Variants in PKD1L3 observed in about 807,000 individuals in gnomAD.
PKD1L3 encodes the protein polycystin 1 like 3, transient receptor potential channel interacting, also known as polycystin-1-like protein 3.
In PKD1L3, 239 loss-of-function variants were observed where a neutral mutation model predicts 184.1. The ratio of observed to expected loss-of-function variants is 1.30; its 90% CI spans 1.17 to 1.45. The LOEUF (loss-of-function observed/expected upper bound fraction) is 1.45, where lower values mean the gene tolerates loss of function less well. Among genes scored for constraint, PKD1L3 ranks in the 40% most tolerant of loss-of-function variants. The pLI, the probability that PKD1L3 is intolerant of heterozygous loss-of-function variation, is 0.00. For synonymous variants in PKD1L3, 996 were observed against 778.8 expected (o/e 1.28, Z -4.64); for missense variants, 2,660 against 2,067.2 (o/e 1.29, Z -5.56).
intron 3 of PKD1L3, 49 bp downstream of exon 3, chr16:71,993,167 G>C (rs758984949): frequency 7.6e-7 from 1 of 1,316,362 alleles, no homozygotes; most frequent in Admixed American, 2.3e-5. Flanking sequence ...TCTTTTAGCA[G>C]AAATTGATTC....
In PKD1L3 at chr16:71,967,260, T is replaced by C. The variant is rs535220054; in HGVS notation, c.2342A>G (p.Asp781Gly). The C allele has an allele frequency of 5.2e-6, 8 of 1,551,478 alleles. No individual in the cohort carries two copies. The South Asian group carries it at 7.1e-5, about 14-fold the overall frequency. ...TCGTTCAAAGACTGTCTTCTGGGGG[T>C]CACAGAGGTGATGGGGCTCACTCCG... ...EGRSEPHHLC[D>G]PQKTVFERGG... Residue 781 changes from aspartate to glycine, a missense_variant, in exon 15 of 30, where the codon GAC (aspartate) becomes GGC (glycine). Transcript: ENST00000620267.
At chr16:71,972,407 A>C (rs1279283508) in intron 12 of PKD1L3, among the ~76,000 whole-genome samples, 2 of 151,738 alleles carry the variant, frequency 1.3e-5, no homozygotes, top group African/African-American at 4.8e-5. Context: ...TCTATAAGTA[A>C]TCATCATCAT....
chr16:71,932,914 G>A (rs2038036997), intron 28 of PKD1L3, among the ~76,000 whole-genome samples: 1 of 150,560 alleles, frequency 6.6e-6, no homozygotes, highest in Admixed American at 6.6e-5. Context: ...AGCCTCCTGA[G>A]TGGCTAGGAC....
At chr16:71,935,286 A>C (rs770990056) in intron 26 of PKD1L3, 72 bp downstream of exon 26, 107 of 1,428,410 alleles carry the variant, frequency 7.5e-5, no homozygotes, top group Non-Finnish European at 1.0e-4. Flanking sequence ...GAGTTTGAAG[A>C]ATACTTGTGT....
At chr16:71,978,803 G>C (rs946798848) in intron 9 of PKD1L3, among the ~76,000 whole-genome samples, 8 of 151,994 alleles carry the variant, frequency 5.3e-5, no homozygotes, top group African/African-American at 1.9e-4. Context: ...GCCTCCCAAA[G>C]TGTTGAGATT....
intron 24 of PKD1L3, among the ~76,000 whole-genome samples, chr16:71,940,887 G>A (rs965129486): frequency 6.6e-6 from 1 of 151,316 alleles, no homozygotes; most frequent in African/African-American, 2.4e-5. Flanking sequence ...CCAGGCTGGA[G>A]TGCACTGGTA....
intron 26 of PKD1L3, 141 bp from the exon 27 acceptor site, chr16:71,934,266 G>A (rs956661064): frequency 3.2e-5 from 23 of 723,498 alleles, no homozygotes; most frequent in African/African-American, 8.8e-5. Context: ...GCTTTCTATT[G>A]TGGCCTCCTG....
intron 9 of PKD1L3, 59 bp from the exon 10 acceptor site, chr16:71,978,442 C>G: frequency 7.0e-7 from 1 of 1,434,812 alleles, no homozygotes; most frequent in Non-Finnish European, 9.4e-7. Flanking sequence ...AGTGACCCCA[C>G]TAGAAAGATA....
chr16:71,949,485 G>T lies in PKD1L3; in HGVS notation c.3618+298C>A, dbSNP rs2038746962. Among the ~76,000 whole-genome samples, 5 of 151,704 alleles carry T rather than the reference G, an allele frequency of 3.3e-5. 1 individual carries two copies. In the South Asian group the frequency reaches 1.0e-3, roughly 32 times the overall value. Reference sequence around the variant, plus strand: ...TCCCACCTTAGACTCCTAAGTAGCTGGAACTATAGGAGCACACCACCATGC... The same window carrying T: ...TCCCACCTTAGACTCCTAAGTAGCTTGAACTATAGGAGCACACCACCATGC... On this transcript the variant is annotated intron_variant, in intron 21 of 29. Transcript: ENST00000620267.
chr16:71,973,452 T>C lies in PKD1L3; in HGVS notation c.1825A>G (p.Thr609Ala). 2.6e-6 allele frequency: 4 copies of C among 1,551,818 alleles called. No individual in the cohort carries two copies. Among genetic ancestry groups the C allele is most frequent in the Non-Finnish European group, 3.5e-6 (4 of 1,147,020 alleles). Residue 609 changes from threonine (T) to alanine (A), a missense_variant, in exon 12 of 30, where the codon ACA becomes GCA. Physicochemically the swap from Thr to Ala is moderately conservative, Grantham distance 58. Coordinates refer to ENST00000620267, the MANE Select transcript of PKD1L3 (RefSeq NM_181536.2). ...LQHGIGTYYITAVLSERQEGA... is the reference protein window; with the variant it reads ...LQHGIGTYYIAAVLSERQEGA... ...TCCTGCCTCTCACTCAGCACAGCTG[T>C]TATATAGTAGGTGCCAATCCCGTGC...
At chr16:71,986,810 A>C (rs913029907) in intron 4 of PKD1L3, among the ~76,000 whole-genome samples, 22 of 152,102 alleles carry the variant, frequency 1.4e-4, no homozygotes, top group African/African-American at 4.6e-4. Flanking sequence ...GTAGAGGCAG[A>C]GAAACAAATT....
chr16:71,978,182 T>C, intron 10 of PKD1L3, 73 bp downstream of exon 10: 4 of 1,465,120 alleles, frequency 2.7e-6, no homozygotes, highest in Admixed American at 2.1e-5. Flanking sequence ...TCCCTTTAAG[T>C]TGTTGCATCC....
intron 3 of PKD1L3, 49 bp downstream of exon 3, chr16:71,993,167 G>T (rs758984949): frequency 2.3e-6 from 3 of 1,316,362 alleles, no homozygotes; most frequent in African/African-American, 3.0e-5. Context: ...TCTTTTAGCA[G>T]AAATTGATTC....
chr16:71,975,918 C>G (rs1169906641), intron 11 of PKD1L3, among the ~76,000 whole-genome samples: 1 of 150,858 alleles, frequency 6.6e-6, no homozygotes, highest in Non-Finnish European at 1.5e-5. Context: ...TACTACCATT[C>G]AGAGAAACTG....
At chr16:71,973,070 CTTGTCAGATCCACCCTGGACTGTGT>C (rs1420263362) in intron 12 of PKD1L3, among the ~76,000 whole-genome samples, 1 of 152,244 alleles carries the variant, frequency 6.6e-6, no homozygotes, top group Non-Finnish European at 1.5e-5. Context: ...TTTATCCACA[CTTGTCAGATCCACCCTGGACTGTGT>C]TTGAGAAAGA....
chr16:71,970,947 A>G (rs2039687635), intron 12 of PKD1L3, among the ~76,000 whole-genome samples: 1 of 152,252 alleles, frequency 6.6e-6, no homozygotes, highest in African/African-American at 2.4e-5. Context: ...AAGCCTAAGA[A>G]GCATGCAAAA....
At chr16:71,996,926 C>T (rs1412721572) in intron 2 of PKD1L3, among the ~76,000 whole-genome samples, 1 of 150,262 alleles carries the variant, frequency 6.7e-6, no homozygotes, top group Non-Finnish European at 1.5e-5. Flanking sequence ...TGGTCCGAGC[C>T]TTGGACGGAC....
At chr16:71,953,889 C>G (rs764182141) in intron 17 of PKD1L3, among the ~76,000 whole-genome samples, 5 of 152,108 alleles carry the variant, frequency 3.3e-5, no homozygotes, top group Non-Finnish European at 5.9e-5. Context: ...TCTTTCTAAT[C>G]CTGAAAGTAA....
rs2038532327 is a variant in PKD1L3 at position 71,945,285 on chromosome 16, T to C, written c.3719-1115A>G. Among the ~76,000 whole-genome samples the C allele has an allele frequency of 6.7e-5, 4 of 59,294 alleles. No individual in the cohort carries two copies. In the Admixed American group the frequency reaches 6.9e-4, roughly 10 times the overall value. 38.9% of individuals were successfully genotyped at this position (59,294 alleles called of 152,430 possible). On this transcript the variant is annotated intron_variant, in intron 22 of 29. Coordinates refer to ENST00000620267, the MANE Select transcript of PKD1L3 (RefSeq NM_181536.2). The stretch of plus-strand genomic sequence containing the variant: ...TCTTAACTATATATATATATATATA[T>C]ATATATATATATATATATATACACA...
Sources: allele counts gnomAD v4.1 joint callset (sites outside exome capture counted in the v4.1 genomes callset), GRCh38; gene constraint gnomAD v4.1.1; transcripts MANE v1.5; gene names NCBI Gene and HGNC (gene_info 2026-07-23, HGNC 2026-07-21).